RAPGEF2: variants seen among roughly 807,000 people sequenced by gnomAD.
RAPGEF2 encodes Rap guanine nucleotide exchange factor 2, also known as PDZ domain containing guanine nucleotide exchange factor (GEF) 1.
A neutral mutation model predicts 186.7 loss-of-function variants in RAPGEF2; 54 were observed. That is an observed-to-expected ratio of 0.29 (90% confidence interval 0.23 to 0.36). The LOEUF is 0.36. Among genes scored for constraint, RAPGEF2 ranks in the 10% least tolerant of loss-of-function variants. The pLI is 1.00. For synonymous variants in RAPGEF2, 712 were observed against 705.9 expected (o/e 1.01, Z -0.14); for missense variants, 1,532 against 2,045.0 (o/e 0.75, Z 4.84).
At chr4:159,255,151 G>A (rs1049836166) in intron 7 of RAPGEF2, among the ~76,000 whole-genome samples, 14 of 152,080 alleles carry the variant, frequency 9.2e-5, no homozygotes, top group African/African-American at 3.4e-4. Context: ...GTGTGTAGTA[G>A]GCAACATTAT....
rs553251268 is a variant in RAPGEF2 at position 159,104,489 on chromosome 4, C to CGAGAGAGAGAGAGAGA, written c.69+280_69+295dup. Among the ~76,000 whole-genome samples, 253 of 88,764 alleles carry CGAGAGAGAGAGAGAGA rather than the reference C, an allele frequency of 2.9e-3. 2 individuals carry two copies. The highest frequency in any genetic ancestry group is 5.6e-3 in the Middle Eastern group (1 of 180). 58.2% of individuals were successfully genotyped at this position (88,764 alleles called of 152,430 possible). On this transcript the variant is annotated intron_variant, in intron 1 of 29. Transcript: ENST00000691494. ...GACCTTTCCCACTATGTTGCCCAGC[C>CGAGAGAGAGAGAGAGA]GAGAGAGAGAGAGAGAGAGAGAGAG...
At chr4:159,327,836 C>G (rs905110412) in intron 11 of RAPGEF2, 1 of 150,898 alleles carries the variant, frequency 6.6e-6, no homozygotes, top group African/African-American at 2.4e-5. Context: ...TCTATATGAC[C>G]ATATTAGAAA....
intron 1 of RAPGEF2, among the ~76,000 whole-genome samples, chr4:159,157,884 A>G (rs1430264671): frequency 6.6e-6 from 1 of 152,096 alleles, no homozygotes; most frequent in African/African-American, 2.4e-5. Context: ...CTTTCTTCCT[A>G]TGGCAGTGGC....
chr4:159,120,255 C>T (rs191045002), intron 1 of RAPGEF2, among the ~76,000 whole-genome samples: 8 of 152,250 alleles, frequency 5.3e-5, no homozygotes, highest in Admixed American at 2.6e-4. Flanking sequence ...CCTGGCCTCA[C>T]GTGATCTACA....
intron 1 of RAPGEF2, among the ~76,000 whole-genome samples, chr4:159,162,034 C>T (rs1003705363): frequency 6.6e-6 from 1 of 151,922 alleles, no homozygotes; most frequent in East Asian, 1.9e-4. Flanking sequence ...TAAAGTAAAC[C>T]GTAAATTTTG....
chr4:159,337,889 C>CAAAAAAA (rs553291521), intron 17 of RAPGEF2, among the ~76,000 whole-genome samples: 73 of 32,564 alleles, frequency 2.2e-3, no homozygotes, highest in Non-Finnish European at 3.1e-3. Context: ...GACTCCATCT[C>CAAAAAAA]AAAAAAAAAA....
chr4:159,105,881 AGAG>A (rs1737812463), intron 1 of RAPGEF2, among the ~76,000 whole-genome samples: 2 of 152,236 alleles, frequency 1.3e-5, no homozygotes, highest in African/African-American at 4.8e-5. Context: ...AAATGATGTC[AGAG>A]GCCTTTGGTG....
intron 7 of RAPGEF2, among the ~76,000 whole-genome samples, chr4:159,281,486 A>C (rs964686746): frequency 6.7e-6 from 1 of 148,464 alleles, no homozygotes; most frequent in Non-Finnish European, 1.5e-5. Context: ...CCTGGCCAAC[A>C]TGGTGAAACC....
chr4:159,138,231 A>C (rs78035607), intron 1 of RAPGEF2, among the ~76,000 whole-genome samples: 2,253 of 152,232 alleles, frequency 0.015, 68 homozygotes, highest in African/African-American at 0.051. Flanking sequence ...GAGACACACA[A>C]ACACACACAC....
At chr4:159,180,624 A>G (rs1746911240) in intron 1 of RAPGEF2, among the ~76,000 whole-genome samples, 1 of 152,228 alleles carries the variant, frequency 6.6e-6, no homozygotes, top group Non-Finnish European at 1.5e-5. Flanking sequence ...AATTTATTTA[A>G]GAAGTTTATA....
At chr4:159,224,927 T>A (rs1751875773) in intron 4 of RAPGEF2, among the ~76,000 whole-genome samples, 1 of 152,180 alleles carries the variant, frequency 6.6e-6, no homozygotes, top group Non-Finnish European at 1.5e-5. Flanking sequence ...AAAAGATGGC[T>A]TCAGATCTTT....
intron 7 of RAPGEF2, among the ~76,000 whole-genome samples, chr4:159,283,438 A>G (rs1760003925): frequency 2.6e-5 from 4 of 152,202 alleles, no homozygotes; most frequent in Admixed American, 2.6e-4. Flanking sequence ...CAGGATTTAA[A>G]GCATGGTTTT....
chr4:159,222,063 A>G (rs1013830964), intron 4 of RAPGEF2, among the ~76,000 whole-genome samples: 8 of 152,236 alleles, frequency 5.3e-5, no homozygotes, highest in Non-Finnish European at 1.2e-4. Flanking sequence ...CTTCAGTATG[A>G]AATACCTTCA....
At chr4:159,169,689 G>A (rs1745699411) in intron 1 of RAPGEF2, among the ~76,000 whole-genome samples, 1 of 150,554 alleles carries the variant, frequency 6.6e-6, no homozygotes, top group Admixed American at 6.6e-5. Flanking sequence ...ATTTGCCTTT[G>A]TACGCCTGGC....
chr4:159,340,955 T>C (rs907407321), intron 19 of RAPGEF2, among the ~76,000 whole-genome samples: 1 of 152,246 alleles, frequency 6.6e-6, no homozygotes, highest in Non-Finnish European at 1.5e-5. Context: ...GACAAATAAG[T>C]ATAATACCTA....
chr4:159,310,641 A>G (rs997971426), intron 8 of RAPGEF2, among the ~76,000 whole-genome samples: 60 of 144,864 alleles, frequency 4.1e-4, no homozygotes, highest in African/African-American at 1.5e-3. Context: ...TTTTAAAAGA[A>G]TATCACTATT....
intron 7 of RAPGEF2, among the ~76,000 whole-genome samples, chr4:159,261,227 AT>A (rs545991368): frequency 3.3e-5 from 5 of 151,356 alleles, no homozygotes; most frequent in African/African-American, 9.7e-5. Flanking sequence ...AGACTGGCTA[AT>A]TTTTTTTGTA....
intron 4 of RAPGEF2, chr4:159,229,236 T>C (rs913768218): frequency 1.6e-4 from 24 of 152,208 alleles, no homozygotes; most frequent in African/African-American, 5.8e-4. Context: ...TTGCTGGGTG[T>C]AGGCTGACTT....
At chr4:159,311,655 C>G (rs1297809581) in intron 8 of RAPGEF2, among the ~76,000 whole-genome samples, 1 of 152,092 alleles carries the variant, frequency 6.6e-6, no homozygotes, top group African/African-American at 2.4e-5. Flanking sequence ...AGATTTGGAG[C>G]CACAAAACTG....
Sources: gnomAD v4.1 joint callset for allele counts (sites outside exome capture counted in the v4.1 genomes callset) on GRCh38, gnomAD v4.1.1 for gene constraint, MANE v1.5 for transcripts, NCBI Gene and HGNC (gene_info 2026-07-23, HGNC 2026-07-21) for gene names.